Variants in PGF observed in about 807,000 individuals in gnomAD.
PGF encodes placental growth factor, also known as placenta growth factor.
A neutral mutation model predicts 25.3 loss-of-function variants in PGF; 11 were observed. The ratio of observed to expected loss-of-function variants is 0.43; its 90% CI spans 0.27 to 0.72. The LOEUF is 0.72. PGF is among the 30% of genes least tolerant of loss of function. The pLI, the probability that PGF is intolerant of heterozygous loss-of-function variation, is 0.18. For synonymous variants in PGF, 105 were observed against 97.9 expected (o/e 1.07, Z -0.43); for missense variants, 230 against 234.9 (o/e 0.98, Z 0.14).
chr14:74,945,470 G>A (rs1244475947), intron 6 of PGF: 1 of 152,206 alleles, frequency 6.6e-6, no homozygotes, highest in Non-Finnish European at 1.5e-5. Context: ...TCAGGGCTTG[G>A]GTCAACTCCA....
intron 1 of PGF, among the ~76,000 whole-genome samples, chr14:74,954,621 T>C (rs1466920688): frequency 6.6e-6 from 1 of 152,010 alleles, no homozygotes; most frequent in Non-Finnish European, 1.5e-5. Context: ...CCCCAGGCCC[T>C]GCACTCAGGA....
intron 3 of PGF, 119 bp from the exon 4 acceptor site, chr14:74,948,702 GCC>G: frequency 1.7e-6 from 1 of 586,566 alleles, no homozygotes; most frequent in Non-Finnish European, 3.0e-6. Flanking sequence ...TGGACTACAG[GCC>G]CTCACTCCAC....
chr14:74,942,324 A>G lies in PGF; in HGVS notation c.*382T>C, dbSNP rs61759408. The G allele has an allele frequency of 6.3e-4, 120 of 191,762 alleles. 1 individual carries two copies. The highest frequency in any genetic ancestry group is 2.7e-3 in the African/African-American group (113 of 42,238). 11.9% of individuals were successfully genotyped at this position (191,762 alleles called of 1,614,324 possible). On this transcript the variant is annotated 3_prime_UTR_variant, in exon 7 of 7. Coordinates refer to ENST00000555567, the MANE Select transcript of PGF (RefSeq NM_002632.6). ...TCCCTACTTTGGACAGGAGCTCCGAAAGCAAGGGCTGCTTGTCTGTGCAGA... is the reference window on the plus strand; with the variant it reads ...TCCCTACTTTGGACAGGAGCTCCGAGAGCAAGGGCTGCTTGTCTGTGCAGA...
At chr14:74,954,966 C>T (rs1162653717) in intron 1 of PGF, among the ~76,000 whole-genome samples, 1 of 151,436 alleles carries the variant, frequency 6.6e-6, no homozygotes, top group African/African-American at 2.4e-5. Flanking sequence ...CCTGCCCCCA[C>T]CAAGACAGCC....
Position 74,949,659 on chromosome 14 carries a change from C to T in PGF, c.119-106G>A. On this transcript the variant is annotated intron_variant, in intron 2 of 6. Transcript: ENST00000555567. ...TGGCCTTCCAGGTTCAGCCCCCAGCCCCATCCGAGCTCCCTCAACTCTGAA... is the reference window on the plus strand; with the variant it reads ...TGGCCTTCCAGGTTCAGCCCCCAGCTCCATCCGAGCTCCCTCAACTCTGAA... The T allele has an allele frequency of 6.1e-6, 5 of 826,326 alleles. 1 individual carries two copies. In the South Asian group the frequency reaches 8.6e-5, roughly 14 times the overall value. The allele number at this position is 826,326 out of a possible 1,614,324, so 51.2% of individuals were successfully genotyped here.
rs1235692450 is a variant in PGF at position 74,950,032 on chromosome 14, C to T, written c.119-479G>A. Among the ~76,000 whole-genome samples, 1 of 152,152 alleles carries T rather than the reference C, an allele frequency of 6.6e-6. No homozygotes were observed. The highest frequency in any genetic ancestry group is 1.5e-5 in the Non-Finnish European group (1 of 68,026). On this transcript the variant is annotated intron_variant, in intron 2 of 6. Coordinates refer to ENST00000555567, the MANE Select transcript of PGF (RefSeq NM_002632.6). The surrounding 1 kb of genome is among the most constrained non-coding windows in gnomAD (Gnocchi z 4.1). ...GCCCCACTCTGTGCCAGCTCCTCTGCCTGGCAACCAAGACCACATCCAGCA... is the reference window on the plus strand; with the variant it reads ...GCCCCACTCTGTGCCAGCTCCTCTGTCTGGCAACCAAGACCACATCCAGCA...
rs571252148 is a variant in PGF, at chr14:74,950,453, G to A, written c.119-900C>T. Among the ~76,000 whole-genome samples the A allele has an allele frequency of 6.6e-6, 1 of 152,338 alleles. No homozygotes were observed. The highest frequency in any genetic ancestry group is 2.1e-4 in the South Asian group (1 of 4,824). On this transcript the variant is annotated intron_variant, in intron 2 of 6. Transcript: ENST00000555567. The surrounding 1 kb of genome is among the most constrained non-coding windows in gnomAD (Gnocchi z 4.1). Reference sequence around the variant, plus strand: ...CTGGTTGATTAGATGACATTTCACTGAGGATCATCCGGGTCATCCCTGACC... The same window carrying A: ...CTGGTTGATTAGATGACATTTCACTAAGGATCATCCGGGTCATCCCTGACC...
rs1283743706 is a variant in PGF, at chr14:74,950,035, G to C, written c.119-482C>G. On this transcript the variant is annotated intron_variant, in intron 2 of 6. Coordinates refer to ENST00000555567, the MANE Select transcript of PGF (RefSeq NM_002632.6). This position sits in a 1 kb window ranked among gnomAD's most constrained non-coding sequence, Gnocchi z 4.1. The stretch of plus-strand genomic sequence containing the variant: ...CCACTCTGTGCCAGCTCCTCTGCCT[G>C]GCAACCAAGACCACATCCAGCAATG... Among the ~76,000 whole-genome samples, 1 of 152,044 alleles carries C rather than the reference G, an allele frequency of 6.6e-6. No individual in the cohort carries two copies. Among genetic ancestry groups the C allele is most frequent in the Non-Finnish European group, 1.5e-5 (1 of 68,020 alleles).
At position 74,953,469 on chromosome 14, in the gene PGF, C is replaced by T. The variant is rs914437196; in HGVS notation, c.118+435G>A. Among the ~76,000 whole-genome samples, 1 of 152,150 alleles carries T rather than the reference C, an allele frequency of 6.6e-6. No individual in the cohort carries two copies. The highest frequency in any genetic ancestry group is 1.5e-5 in the Non-Finnish European group (1 of 68,014). ...TCAATGGAAACGCATGGTCAGATCCCGGCAGTTCCACCAGGGCTGGGCTGC... is the reference window on the plus strand; with the variant it reads ...TCAATGGAAACGCATGGTCAGATCCTGGCAGTTCCACCAGGGCTGGGCTGC... On this transcript the variant is annotated intron_variant, in intron 2 of 6. Coordinates refer to ENST00000555567, the MANE Select transcript of PGF (RefSeq NM_002632.6). The surrounding 1 kb of genome is among the most constrained non-coding windows in gnomAD (Gnocchi z 5.4).
intron 4 of PGF, chr14:74,947,094 A>G: frequency 4.0e-6 from 2 of 494,992 alleles, no homozygotes; most frequent in Non-Finnish European, 7.2e-6. Flanking sequence ...TGCTACCCTC[A>G]GCTGGTTCCT....
In PGF at chr14:74,953,486, CT is replaced by C. The variant is rs1888918473; in HGVS notation, c.118+417del. Among the ~76,000 whole-genome samples the C allele has an allele frequency of 6.6e-6, 1 of 152,182 alleles. No homozygotes were observed. Among genetic ancestry groups the C allele is most frequent in the Admixed American group, 6.5e-5 (1 of 15,288 alleles). ...TCAGATCCCGGCAGTTCCACCAGGG[CT>C]GGGCTGCTGGGGAGGGCCCCTCACC... On this transcript the variant is annotated intron_variant, in intron 2 of 6. Coordinates refer to ENST00000555567, the MANE Select transcript of PGF (RefSeq NM_002632.6). The surrounding 1 kb of genome is among the most constrained non-coding windows in gnomAD (Gnocchi z 5.4).
intron 2 of PGF, among the ~76,000 whole-genome samples, chr14:74,949,840 G>A (rs1478258127): frequency 1.3e-5 from 2 of 152,202 alleles, no homozygotes; most frequent in African/African-American, 4.8e-5. Context: ...TTTGAGGATT[G>A]TAGCCCCGGC....
rs761458706 is a variant in PGF, at chr14:74,948,566, A to G, written c.333T>C (p.Ser111=). Residue 111 remains serine, a synonymous_variant, in exon 4 of 7, where the codon TCT becomes TCC. Transcript: ENST00000555567. ...GCTCCACGTAGGAGGGCCGGTCCCC[A>G]GAACGGATCTTTAGGAGCTGAAGGA... The part of the protein sequence containing the change: ...NVTMQLLKIR[S]GDRPSYVELT... 1.9e-6 allele frequency: 3 copies of G among 1,604,032 alleles called. No homozygotes were observed. The highest frequency in any genetic ancestry group is 1.7e-6 in the Non-Finnish European group (2 of 1,172,202).
intron 2 of PGF, among the ~76,000 whole-genome samples, chr14:74,951,994 A>C (rs1480037425): frequency 1.3e-5 from 2 of 151,982 alleles, no homozygotes; most frequent in African/African-American, 4.8e-5. Context: ...CGCTGGCCCC[A>C]GACCTGCTCC....
rs369213059 is a variant in PGF, at chr14:74,950,477, C to A, written c.119-924G>T. Among the ~76,000 whole-genome samples, 30 of 152,226 alleles carry A rather than the reference C, an allele frequency of 2.0e-4. No individual in the cohort carries two copies. Among genetic ancestry groups the A allele is most frequent in the African/African-American group, 6.5e-4 (27 of 41,458 alleles). On this transcript the variant is annotated intron_variant, in intron 2 of 6. Transcript: ENST00000555567. The surrounding 1 kb of genome is among the most constrained non-coding windows in gnomAD (Gnocchi z 4.1). ...TGAGGATCATCCGGGTCATCCCTGA[C>A]CTCACGATGTCCTGGCGATCGTGAA...
chr14:74,954,173 T>C (rs1257978494), intron 1 of PGF: 4 of 574,874 alleles, frequency 7.0e-6, no homozygotes, highest in Non-Finnish European at 1.2e-5. Context: ...TGGAAAAGGA[T>C]GGGAGGCTAG....
chr14:74,953,793 CT>C lies in PGF; in HGVS notation c.118+110del, dbSNP rs1888924275. On this transcript the variant is annotated intron_variant, in intron 2 of 6. Coordinates refer to ENST00000555567, the MANE Select transcript of PGF (RefSeq NM_002632.6). This position sits in a 1 kb window ranked among gnomAD's most constrained non-coding sequence, Gnocchi z 5.4. Reference sequence around the variant, plus strand: ...TCACCCAGCATGTCTAGCTTGTAGGCTCTCCCCAGCTTTTATCAACCTGCAC... The same window carrying C: ...TCACCCAGCATGTCTAGCTTGTAGGCCTCCCCAGCTTTTATCAACCTGCAC... 9.3e-7 allele frequency: 1 copy of C among 1,074,868 alleles called. No individual in the cohort carries two copies. The highest frequency in any genetic ancestry group is 1.5e-5 in the African/African-American group (1 of 64,910). 66.6% of individuals were successfully genotyped at this position (1,074,868 alleles called of 1,614,324 possible). A position where few individuals can be genotyped will look rare whatever the true frequency, so the allele number is the denominator to read the frequency against.
intron 6 of PGF, 31 bp from the exon 7 acceptor site, chr14:74,942,764 T>C: frequency 1.2e-6 from 2 of 1,600,804 alleles, no homozygotes; most frequent in Non-Finnish European, 1.7e-6. Context: ...ACGGGGCGGG[T>C]ATCAGCACAC....
In PGF at chr14:74,949,510, C is replaced by T. The variant is rs769365084; in HGVS notation, c.162G>A (p.Ala54=). Residue 54 remains alanine, a synonymous_variant, in exon 3 of 7, where the codon GCG becomes GCA. Transcript: ENST00000555567. The part of the protein sequence containing the change: ...QEVWGRSYCR[A]LERLVDVVSE... ...ACACGACGTCCACCAGCCTCTCCAGCGCCCGGCAGTAGCTGCGGCCCCACA... is the reference window on the plus strand; with the variant it reads ...ACACGACGTCCACCAGCCTCTCCAGTGCCCGGCAGTAGCTGCGGCCCCACA... The T allele has an allele frequency of 7.1e-5, 113 of 1,602,466 alleles. No homozygotes were observed. In the Middle Eastern group the frequency reaches 1.1e-3, roughly 15 times the overall value.
Sources: gnomAD v4.1 joint callset for allele counts (sites outside exome capture counted in the v4.1 genomes callset) on GRCh38, gnomAD v4.1.1 for gene constraint, Gnocchi (gnomAD v3.1) non-coding constraint, MANE v1.5 for transcripts, NCBI Gene and HGNC (gene_info 2026-07-23, HGNC 2026-07-21) for gene names.